The following MARS1 variants were observed in gnomAD, a reference collection of about 807,000 sequenced individuals.
The protein encoded by MARS1 is methionyl-tRNA synthetase 1.
MARS1 carries 80 observed loss-of-function variants against 119.5 expected under a neutral mutation model. The ratio of observed to expected loss-of-function variants is 0.67; its 90% confidence interval spans 0.56 to 0.81. The LOEUF is 0.81. MARS1 is among the 30% of genes least tolerant of loss of function. The probability of loss-of-function intolerance (pLI) is 0.00; values close to 1 mark genes in which losing one functional copy is unlikely to be tolerated. For synonymous variants in MARS1, 418 were observed against 433.4 expected (o/e 0.96, Z 0.44); for missense variants, 945 against 1,116.5 (o/e 0.85, Z 2.19).
chr12:57,503,780 T>C (rs981880220), intron 10 of MARS1, among the ~76,000 whole-genome samples: 5 of 152,152 alleles, frequency 3.3e-5, no homozygotes, highest in African/African-American at 1.2e-4. Flanking sequence ...GACCTCATGA[T>C]CCGCCTGCCT....
At chr12:57,514,926 C>A in intron 16 of MARS1, 28 bp from the exon 17 acceptor site, 1 of 1,613,996 alleles carries the variant, frequency 6.2e-7, no homozygotes, top group Non-Finnish European at 8.5e-7. Context: ...TAGGACATTA[C>A]ACCTTGGCCT....
chr12:57,503,183 C>T (rs1420406154), intron 10 of MARS1, among the ~76,000 whole-genome samples: 1 of 152,010 alleles, frequency 6.6e-6, no homozygotes, highest in East Asian at 1.9e-4. Context: ...TTTATATAGT[C>T]AGTTTATGCC....
At chr12:57,511,958 T>G in intron 12 of MARS1, 50 bp from the exon 13 acceptor site, 2 of 1,607,592 alleles carry the variant, frequency 1.2e-6, no homozygotes. Flanking sequence ...TTGTTTCAGT[T>G]TGAGACTTTG....
chr12:57,493,896 A>G lies in MARS1; in HGVS notation c.770+3252A>G, dbSNP rs368802004. Among the ~76,000 whole-genome samples the G allele has an allele frequency of 5.0e-5, 3 of 60,268 alleles. 1 individual carries two copies. The highest frequency in any genetic ancestry group is 8.5e-5 in the Non-Finnish European group (3 of 35,216). 39.5% of individuals were successfully genotyped at this position (60,268 alleles called of 152,430 possible). On this transcript the variant is annotated intron_variant, in intron 7 of 20. Transcript: ENST00000262027. ...TATATATAATATATAATATATATTT[A>G]TGTTATATAATATATATAATATATA...
chr12:57,490,875 C>CTT (rs34238800), intron 7 of MARS1, among the ~76,000 whole-genome samples: 34 of 101,028 alleles, frequency 3.4e-4, no homozygotes, highest in Non-Finnish European at 4.3e-4. Context: ...CTTGTCTATC[C>CTT]TTTTTTTTTT....
In MARS1 at chr12:57,515,918, AG is replaced by A; in HGVS notation, c.2392del. 1.2e-6 allele frequency: 2 copies of A among 1,610,634 alleles called. No individual in the cohort carries two copies. Among genetic ancestry groups the A allele is most frequent in the Non-Finnish European group, 1.7e-6 (2 of 1,178,432 alleles). On this transcript the variant is annotated splice_acceptor_variant, in intron 18 of 20. Coordinates refer to ENST00000262027, the MANE Select transcript of MARS1 (RefSeq NM_004990.4). LOFTEE classifies it high-confidence loss of function. ...GATGATTCTGGAACTCTTTTTTTAC[AG>A]GTCAGTCCCTTGTTCCAAAAATTGG...
rs1279823763 is a variant in MARS1 at position 57,490,716 on chromosome 12, C to T, written c.770+72C>T. On this transcript the variant is annotated intron_variant, in intron 7 of 20. Transcript: ENST00000262027. ...AATTGTTGATAGAGCCAGAACCTGC[C>T]TGCTAGGTCCCGTTTGCTGATCTCT... The T allele has an allele frequency of 2.4e-6, 3 of 1,237,278 alleles. No individual in the cohort carries two copies. The African/African-American group carries it at 4.5e-5, about 18-fold the overall frequency. 76.6% of individuals were successfully genotyped at this position (1,237,278 alleles called of 1,614,324 possible).
rs1875860008 is a variant in MARS1, at chr12:57,490,569, A to C, written c.695A>C (p.Glu232Ala). 1 of 1,613,910 alleles carries C rather than the reference A, an allele frequency of 6.2e-7. No homozygotes were observed. The highest frequency in any genetic ancestry group is 1.3e-5 in the African/African-American group (1 of 74,852). The change falls in exon 7 of 21, where the codon GAG (glutamate) becomes GCG (alanine). Residue 232 changes from glutamate to alanine, a missense_variant. Glu to Ala is a moderately radical substitution (Grantham distance 107, BLOSUM62 -1). Coordinates refer to ENST00000262027, the MANE Select transcript of MARS1 (RefSeq NM_004990.4). ...GAGCTGGCTACCCTATCTGAGGAGGAGATTGCTATGGCTGTTACTGCTTGG... is the reference window on the plus strand; with the variant it reads ...GAGCTGGCTACCCTATCTGAGGAGGCGATTGCTATGGCTGTTACTGCTTGG... ...EEELATLSEE[E>A]IAMAVTAWEK...
At chr12:57,491,925 T>A (rs1875982977) in intron 7 of MARS1, among the ~76,000 whole-genome samples, 2 of 152,334 alleles carry the variant, frequency 1.3e-5, no homozygotes, top group African/African-American at 4.8e-5. Context: ...CATGGGACTT[T>A]CTGTCTGGTA....
At chr12:57,493,820 TA>T (rs1876374236) in intron 7 of MARS1, among the ~76,000 whole-genome samples, 1 of 1,136 alleles carries the variant, frequency 8.8e-4, no homozygotes, top group Non-Finnish European at 5.3e-3. Context: ...GTATATTATA[TA>T]TATTATATTA....
intron 14 of MARS1, 57 bp from the exon 15 acceptor site, chr12:57,512,694 A>G (rs1877579700): frequency 7.5e-7 from 1 of 1,328,566 alleles, no homozygotes; most frequent in Admixed American, 1.7e-5. Flanking sequence ...TTAGTGGGCT[A>G]GAGAGGGGAA....
In MARS1 at chr12:57,511,775, C is replaced by T; in HGVS notation, c.1446C>T (p.Thr482=). 1 of 1,614,162 alleles carries T rather than the reference C, an allele frequency of 6.2e-7. No homozygotes were observed. The highest frequency in any genetic ancestry group is 8.5e-7 in the Non-Finnish European group (1 of 1,180,020). The change falls in exon 12 of 21, where the codon ACC becomes ACT. Residue 482 remains threonine (T), a synonymous_variant. Coordinates refer to ENST00000262027, the MANE Select transcript of MARS1 (RefSeq NM_004990.4). ...GGACACCCAATGCCCAGTTTATCAC[C>T]CGTTCTTGGCTTCGGGATGGCCTCA... ...SDWTPNAQFI[T]RSWLRDGLKP...
intron 7 of MARS1, among the ~76,000 whole-genome samples, chr12:57,492,314 AG>A (rs1362104967): frequency 6.6e-6 from 1 of 150,454 alleles, no homozygotes; most frequent in African/African-American, 2.4e-5. Context: ...GGAAAAGAAG[AG>A]GTTGCTATGC....
intron 9 of MARS1, 46 bp from the exon 10 acceptor site, chr12:57,500,275 C>G: frequency 2.6e-6 from 4 of 1,542,004 alleles, no homozygotes; most frequent in South Asian, 2.2e-5. Flanking sequence ...AGGGGTCCAC[C>G]ACGTCTTCTG....
intron 10 of MARS1, chr12:57,503,990 T>G: frequency 1.8e-6 from 1 of 544,856 alleles, no homozygotes; most frequent in Non-Finnish European, 3.3e-6. Flanking sequence ...AGAATGTTTT[T>G]TTTACTCTGG....
At position 57,516,463 on chromosome 12, in the gene MARS1, A is replaced by G; in HGVS notation, c.2585A>G (p.Gln862Arg). The change falls in exon 21 of 21, where the codon CAA becomes CGA. Residue 862 changes from glutamine to arginine, a missense_variant. By Grantham distance (43) the Gln-to-Arg change is conservative. Coordinates refer to ENST00000262027, the MANE Select transcript of MARS1 (RefSeq NM_004990.4). ...QGNIVRELKA[Q>R]KADKNEVAAE... ...AACATTGTCCGAGAACTGAAAGCAC[A>G]AAAGGCAGACAAGAACGAGGTTGCT... The G allele has an allele frequency of 6.2e-7, 1 of 1,613,636 alleles. No individual in the cohort carries two copies. Among genetic ancestry groups the G allele is most frequent in the Non-Finnish European group, 8.5e-7 (1 of 1,179,852 alleles).
At chr12:57,507,198 CAGA>C (rs1351821806) in intron 11 of MARS1, among the ~76,000 whole-genome samples, 1 of 152,116 alleles carries the variant, frequency 6.6e-6, no homozygotes, top group African/African-American at 2.4e-5. Context: ...CATCCCAAGG[CAGA>C]AGAATTTTTC....
chr12:57,498,087 C>A (rs1484459093), intron 7 of MARS1, 70 bp from the exon 8 acceptor site: 3 of 928,716 alleles, frequency 3.2e-6, no homozygotes, highest in African/African-American at 1.6e-5. Context: ...TCCGGGTGTT[C>A]TGTGCACTTT....
At chr12:57,490,517 G>A in intron 6 of MARS1, 21 bp from the exon 7 acceptor site, 2 of 1,612,866 alleles carry the variant, frequency 1.2e-6, no homozygotes, top group Non-Finnish European at 1.7e-6. Context: ...CCTGGTAAGG[G>A]ATTCTCTCCA....
Sources: gnomAD v4.1 joint callset for allele counts (sites outside exome capture counted in the v4.1 genomes callset) on GRCh38, gnomAD v4.1.1 for gene constraint, MANE v1.5 for transcripts, NCBI Gene and HGNC (gene_info 2026-07-23, HGNC 2026-07-21) for gene names.